CFAP61: variants seen among roughly 807,000 people sequenced by gnomAD.
The protein encoded by CFAP61 is cilia- and flagella-associated protein 61.
A neutral mutation model predicts 135.6 loss-of-function variants in CFAP61; 107 were observed. The observed-to-expected ratio is 0.79, with a 90% CI of 0.67 to 0.93. CFAP61 has a LOEUF of 0.93. Ranked by LOEUF, CFAP61 falls within the 40% of genes least tolerant of loss-of-function variation. The probability of loss-of-function intolerance (pLI) is 0.00; values close to 1 mark genes in which losing one functional copy is unlikely to be tolerated. For synonymous variants in CFAP61, 575 were observed against 578.5 expected (o/e 0.99, Z 0.09); for missense variants, 1,507 against 1,556.2 (o/e 0.97, Z 0.53).
chr20:20,172,182 GA>G, intron 13 of CFAP61: 1 of 890,804 alleles, frequency 1.1e-6, no homozygotes, highest in Non-Finnish European at 1.4e-6. Flanking sequence ...TGTATGTATA[GA>G]AGTTCTAAAA....
intron 8 of CFAP61, among the ~76,000 whole-genome samples, chr20:20,129,834 CTT>C (rs1373087747): frequency 2.6e-5 from 4 of 151,430 alleles, no homozygotes; most frequent in Admixed American, 2.6e-4. Context: ...CCATTCTGCT[CTT>C]GAGGGCCTCC....
intron 12 of CFAP61, 73 bp from the exon 13 acceptor site, chr20:20,169,248 T>TA: frequency 1.4e-6 from 2 of 1,430,712 alleles, no homozygotes; most frequent in South Asian, 2.8e-5. Context: ...TTTCTTGGTG[T>TA]TTTTTAGAGG....
At chr20:20,132,110 C>G (rs2050579051) in intron 8 of CFAP61, among the ~76,000 whole-genome samples, 1 of 152,038 alleles carries the variant, frequency 6.6e-6, no homozygotes, top group African/African-American at 2.4e-5. Flanking sequence ...TAGCAACTAC[C>G]ATTCTACTCT....
intron 2 of CFAP61, among the ~76,000 whole-genome samples, chr20:20,067,279 A>T (rs931581791): frequency 1.3e-5 from 2 of 152,082 alleles, no homozygotes; most frequent in Admixed American, 1.3e-4. Context: ...TTAAAATCCA[A>T]CATTTAAAAA....
intron 8 of CFAP61, among the ~76,000 whole-genome samples, chr20:20,099,578 C>CGGG (rs59967144): frequency 5.3e-5 from 8 of 150,634 alleles, no homozygotes; most frequent in East Asian, 4.0e-4. Flanking sequence ...ACCTCCCACA[C>CGGG]GGGGGGGGGG....
intron 22 of CFAP61, among the ~76,000 whole-genome samples, chr20:20,285,653 C>T (rs971768041): frequency 6.6e-6 from 1 of 152,140 alleles, no homozygotes; most frequent in Non-Finnish European, 1.5e-5. Context: ...CACAGTGGCT[C>T]ACGCCTATAA....
chr20:20,073,501 C>T (rs2045863099), intron 3 of CFAP61, among the ~76,000 whole-genome samples: 1 of 152,214 alleles, frequency 6.6e-6, no homozygotes, highest in African/African-American at 2.4e-5. Context: ...AGCACCTGTG[C>T]TGTCCTGATA....
intron 13 of CFAP61, among the ~76,000 whole-genome samples, chr20:20,185,179 A>T: frequency 6.6e-6 from 1 of 152,214 alleles, no homozygotes; most frequent in East Asian, 1.9e-4. Flanking sequence ...ATCTTACTTT[A>T]TGCATTTAAA....
intron 12 of CFAP61, among the ~76,000 whole-genome samples, chr20:20,168,586 T>A (rs1388314715): frequency 6.6e-6 from 1 of 152,246 alleles, no homozygotes; most frequent in Non-Finnish European, 1.5e-5. Context: ...CATAAAACTT[T>A]TCCAGTAATG....
chr20:20,267,470 G>C (rs557814317), intron 21 of CFAP61: 1 of 152,730 alleles, frequency 6.5e-6, no homozygotes, highest in South Asian at 2.1e-4. Flanking sequence ...GCAGAGAGAA[G>C]GTGACCACGG....
At chr20:20,166,274 C>T in intron 11 of CFAP61, 123 bp from the exon 12 acceptor site, 1 of 722,374 alleles carries the variant, frequency 1.4e-6, no homozygotes, top group Non-Finnish European at 2.5e-6. Flanking sequence ...CACCTAGACA[C>T]ACATTCTGAC....
rs571083671 is a variant in CFAP61 at position 20,338,670 on chromosome 20, G to A, written c.3423-3161G>A. 7.4e-4 allele frequency among the ~76,000 whole-genome samples: 113 copies of A among 152,234 alleles called. 4 individuals are homozygous for A. The South Asian group carries it at 0.022, about 29-fold the overall frequency. On this transcript the variant is annotated intron_variant, in intron 25 of 26. Coordinates refer to ENST00000245957, the MANE Select transcript of CFAP61 (RefSeq NM_015585.4). ...ACACCTTTACCACTTCTCTTTCCCC[G>A]TAGATGTGTTGGACTTTTTCCTACA...
intron 8 of CFAP61, among the ~76,000 whole-genome samples, chr20:20,112,624 A>C (rs2048876078): frequency 6.6e-6 from 1 of 152,158 alleles, no homozygotes; most frequent in Admixed American, 6.6e-5. Context: ...CCCACACTGT[A>C]AACTCCTTTG....
chr20:20,259,245 C>CTTTTTTTTTTT (rs3060665), intron 20 of CFAP61, among the ~76,000 whole-genome samples: 1 of 75,944 alleles, frequency 1.3e-5, no homozygotes, highest in Non-Finnish European at 2.3e-5. Flanking sequence ...GCCCTTCCAT[C>CTTTTTTTTTTT]TTTTTTTTTT....
chr20:20,284,693 A>G (rs184716094), intron 22 of CFAP61, among the ~76,000 whole-genome samples: 1 of 152,322 alleles, frequency 6.6e-6, no homozygotes, highest in East Asian at 1.9e-4. Context: ...ACCATTTCAC[A>G]TAAAATGTAA....
At position 20,269,117 on chromosome 20, in the gene CFAP61, CTATATATA is replaced by C. The variant is rs142189443; in HGVS notation, c.2503+6010_2503+6017del. Among the ~76,000 whole-genome samples, 575 of 104,554 alleles carry C rather than the reference CTATATATA, an allele frequency of 5.5e-3. 13 individuals carry two copies. Among genetic ancestry groups the C allele is most frequent in the African/African-American group, 9.3e-3 (269 of 28,948 alleles). 68.6% of individuals were successfully genotyped at this position (104,554 alleles called of 152,430 possible). A position where few individuals can be genotyped will look rare whatever the true frequency, so the allele number is the denominator to read the frequency against. ...CGCATTGTCTGGTTCTATTCGTGGGCTATATATATATATATATATATATATATATACAC... is the reference window on the plus strand; with the variant it reads ...CGCATTGTCTGGTTCTATTCGTGGGCTATATATATATATATATATATACAC... On this transcript the variant is annotated intron_variant, in intron 21 of 26. Transcript: ENST00000245957.
intron 25 of CFAP61, among the ~76,000 whole-genome samples, chr20:20,309,421 G>T (rs142627819): frequency 1.6e-4 from 24 of 152,252 alleles, no homozygotes; most frequent in African/African-American, 5.8e-4. Flanking sequence ...CAGCAAGCTT[G>T]CAGACAGCAC....
chr20:20,056,015 T>C lies in CFAP61; in HGVS notation c.-36-603T>C, dbSNP rs372840718. ...TTAGGTTCTCCACTGTTGCCGTCAT[T>C]AGAGATTCTCTTCCCAAAGAGTGTC... On this transcript the variant is annotated intron_variant, in intron 1 of 26. Coordinates refer to ENST00000245957, the MANE Select transcript of CFAP61 (RefSeq NM_015585.4). 1.5e-5 allele frequency: 24 copies of C among 1,604,724 alleles called. 1 individual carries two copies. The African/African-American group carries it at 2.6e-4, about 17-fold the overall frequency.
At chr20:20,097,270 G>A (rs2047653433) in intron 7 of CFAP61, among the ~76,000 whole-genome samples, 1 of 152,134 alleles carries the variant, frequency 6.6e-6, no homozygotes, top group Admixed American at 6.5e-5. Context: ...GAATGCAATG[G>A]TTATCTAAAA....
Sources: gnomAD v4.1 joint callset for allele counts (sites outside exome capture counted in the v4.1 genomes callset) on GRCh38, gnomAD v4.1.1 for gene constraint, MANE v1.5 for transcripts, NCBI Gene and HGNC (gene_info 2026-07-23, HGNC 2026-07-21) for gene names.